The following DPM1 variants were observed in gnomAD, a reference collection of about 807,000 sequenced individuals.
DPM1 encodes dolichol-phosphate mannosyltransferase subunit 1.
In DPM1, 27 loss-of-function variants were observed where a neutral mutation model predicts 39.0. The observed-to-expected ratio is 0.69, with a 90% CI of 0.51 to 0.95. The LOEUF (loss-of-function observed/expected upper bound fraction) is 0.95, where lower values mean the gene tolerates loss of function less well. DPM1 is among the 40% of genes least tolerant of loss of function. DPM1 has a pLI of 0.00. For synonymous variants in DPM1, 124 were observed against 109.0 expected (o/e 1.14, Z -0.86); for missense variants, 307 against 315.6 (o/e 0.97, Z 0.21).
chr20:50,957,018 G>T (rs1258263120), intron 1 of DPM1, among the ~76,000 whole-genome samples: 3 of 150,350 alleles, frequency 2.0e-5, no homozygotes, highest in African/African-American at 4.9e-5. Flanking sequence ...AATTAAAACA[G>T]CAAAAAAAAA....
At chr20:50,936,305 A>ATAGG in intron 7 of DPM1, 43 bp from the exon 8 acceptor site, 1 of 1,283,138 alleles carries the variant, frequency 7.8e-7, no homozygotes, top group Non-Finnish European at 1.1e-6. Context: ...GGATAAATAC[A>ATAGG]CATGCCTATG....
At chr20:50,956,022 T>A (rs1986806983) in intron 1 of DPM1, among the ~76,000 whole-genome samples, 2 of 152,220 alleles carry the variant, frequency 1.3e-5, no homozygotes, top group African/African-American at 4.8e-5. Flanking sequence ...AATAATCAAG[T>A]ATAAATCTGA....
intron 6 of DPM1, chr20:50,941,264 A>ATAT (rs56852828): frequency 1.2e-5 from 2 of 167,944 alleles, no homozygotes; most frequent in South Asian, 2.1e-4. Context: ...ATATATATAT[A>ATAT]AATAAAATAC....
chr20:50,948,606 G>T, intron 3 of DPM1, 23 bp downstream of exon 3: 1 of 1,612,104 alleles, frequency 6.2e-7, no homozygotes, highest in Non-Finnish European at 8.5e-7. Flanking sequence ...CAGGTGTGAG[G>T]GGTTAGAGAT....
intron 5 of DPM1, among the ~76,000 whole-genome samples, chr20:50,943,369 GTTTTT>G (rs1347688107): frequency 2.0e-5 from 3 of 150,458 alleles, no homozygotes; most frequent in Non-Finnish European, 4.4e-5. Context: ...GTTTTGTTTT[GTTTTT>G]TTTTGAGATG....
chr20:50,940,717 T>TC (rs1303837447), intron 7 of DPM1, 148 bp downstream of exon 7: 6 of 706,534 alleles, frequency 8.5e-6, no homozygotes, highest in Non-Finnish European at 1.5e-5. Flanking sequence ...TGTTTAGGCT[T>TC]CATTAGCAAC....
chr20:50,947,484 T>C (rs1240257125), intron 3 of DPM1, among the ~76,000 whole-genome samples: 1 of 152,204 alleles, frequency 6.6e-6, no homozygotes, highest in Non-Finnish European at 1.5e-5. Flanking sequence ...TGCTTGGGAA[T>C]TGATGGTCTT....
At chr20:50,955,732 T>C (rs547227729) in intron 1 of DPM1, among the ~76,000 whole-genome samples, 13 of 152,144 alleles carry the variant, frequency 8.5e-5, no homozygotes, top group African/African-American at 3.1e-4. Flanking sequence ...CCCGGCTAAT[T>C]TTTTGTATTT....
intron 7 of DPM1, among the ~76,000 whole-genome samples, chr20:50,940,305 C>T (rs1985616009): frequency 1.3e-5 from 2 of 151,924 alleles, no homozygotes; most frequent in African/African-American, 2.4e-5. Context: ...AAAAAAAAAT[C>T]TGGCAAGTTT....
chr20:50,940,086 T>TTG (rs11469059), intron 7 of DPM1, among the ~76,000 whole-genome samples: 6,846 of 146,574 alleles, frequency 0.047, 178 homozygotes, highest in South Asian at 0.088. Flanking sequence ...AGGTCCTAAT[T>TTG]TGTGTGTGTG....
At chr20:50,958,331 C>T (rs766829866) in intron 1 of DPM1, 32 bp downstream of exon 1, 7 of 1,610,212 alleles carry the variant, frequency 4.3e-6, no homozygotes, top group Non-Finnish European at 5.9e-6. Flanking sequence ...CAGCTCATCT[C>T]ATTCTTCGGG....
intron 1 of DPM1, among the ~76,000 whole-genome samples, chr20:50,956,767 C>T (rs561898672): frequency 1.3e-5 from 2 of 152,080 alleles, no homozygotes; most frequent in Non-Finnish European, 2.9e-5. Flanking sequence ...TTTTAATAGA[C>T]GTGCTGAAAG....
At chr20:50,955,130 A>G (rs1156957047) in intron 2 of DPM1, 56 bp downstream of exon 2, 15 of 1,277,172 alleles carry the variant, frequency 1.2e-5, no homozygotes, top group Non-Finnish European at 1.7e-5. Flanking sequence ...TTCATGTCTC[A>G]TCTTTCCCCT....
intron 1 of DPM1, among the ~76,000 whole-genome samples, chr20:50,956,531 G>GAAAAAAA (rs56159089): frequency 6.0e-5 from 6 of 100,386 alleles, no homozygotes; most frequent in Admixed American, 1.0e-4. Flanking sequence ...GTCTCCAAAA[G>GAAAAAAA]AAAAAAAAAA....
intron 7 of DPM1, among the ~76,000 whole-genome samples, chr20:50,939,494 G>A (rs765804343): frequency 3.3e-5 from 5 of 150,994 alleles, no homozygotes; most frequent in Non-Finnish European, 7.4e-5. Context: ...ACCACACTTG[G>A]CTAATTTTTT....
chr20:50,954,362 T>C (rs944163891), intron 2 of DPM1, among the ~76,000 whole-genome samples: 1 of 152,108 alleles, frequency 6.6e-6, no homozygotes, highest in African/African-American at 2.4e-5. Flanking sequence ...TAGTGGCATC[T>C]AGTGAGAAGA....
intron 6 of DPM1, chr20:50,941,326 ATT>A (rs1171038587): frequency 7.0e-6 from 1 of 142,956 alleles, no homozygotes; most frequent in Non-Finnish European, 1.3e-5. Flanking sequence ...CATATTATAT[ATT>A]CATATATATT....
intron 2 of DPM1, among the ~76,000 whole-genome samples, chr20:50,952,406 G>A (rs1328527815): frequency 6.6e-6 from 1 of 152,160 alleles, no homozygotes; most frequent in African/African-American, 2.4e-5. Flanking sequence ...ATTTTTGAGG[G>A]TCATGAGATT....
At chr20:50,955,652 C>G (rs984031749) in intron 1 of DPM1, among the ~76,000 whole-genome samples, 1 of 152,194 alleles carries the variant, frequency 6.6e-6, no homozygotes, top group African/African-American at 2.4e-5. Context: ...TTACCTCTGC[C>G]TCCTGGCCTC....
Sources: allele counts gnomAD v4.1 joint callset (sites outside exome capture counted in the v4.1 genomes callset), GRCh38; gene constraint gnomAD v4.1.1; transcripts MANE v1.5; gene names NCBI Gene and HGNC (gene_info 2026-07-23, HGNC 2026-07-21).